The following GPC5 variants were observed in gnomAD, a reference collection of about 807,000 sequenced individuals.
The protein encoded by GPC5 is glypican 5, also known as glypican-5.
A neutral mutation model predicts 53.9 loss-of-function variants in GPC5; 47 were observed. The ratio of observed to expected loss-of-function variants is 0.87; its 90% confidence interval spans 0.69 to 1.11. The LOEUF (loss-of-function observed/expected upper bound fraction) is 1.11. Among genes scored for constraint, GPC5 ranks in the 50% most tolerant of loss-of-function variants. The pLI is 0.00. For synonymous variants in GPC5, 286 were observed against 263.3 expected (o/e 1.09, Z -0.84); for missense variants, 748 against 713.1 (o/e 1.05, Z -0.56).
chr13:92,741,625 T>G (rs1287159300), intron 7 of GPC5, among the ~76,000 whole-genome samples: 1 of 152,178 alleles, frequency 6.6e-6, no homozygotes, highest in Non-Finnish European at 1.5e-5. Context: ...TTAGGGTACA[T>G]GTGCACAATA....
intron 7 of GPC5, among the ~76,000 whole-genome samples, chr13:92,564,817 C>T (rs1882813622): frequency 6.6e-6 from 1 of 152,008 alleles, no homozygotes; most frequent in Non-Finnish European, 1.5e-5. Context: ...AGGATAATGG[C>T]CTCCAGCTAA....
intron 7 of GPC5, among the ~76,000 whole-genome samples, chr13:92,258,470 T>C (rs1414147507): frequency 1.3e-5 from 2 of 152,222 alleles, no homozygotes; most frequent in African/African-American, 4.8e-5. Flanking sequence ...TTGAAATGTG[T>C]ATATAAATAT....
chr13:91,934,548 T>C (rs2039852390), intron 6 of GPC5, among the ~76,000 whole-genome samples: 1 of 151,970 alleles, frequency 6.6e-6, no homozygotes, highest in Admixed American at 6.6e-5. Flanking sequence ...CTGGATGTCT[T>C]CCAAGAGCAA....
At chr13:91,680,957 G>A (rs1228222269) in intron 2 of GPC5, among the ~76,000 whole-genome samples, 2 of 151,430 alleles carry the variant, frequency 1.3e-5, no homozygotes, top group African/African-American at 2.4e-5. Context: ...GTTTATTATG[G>A]TTCTCTTAAT....
At chr13:91,596,191 T>C (rs1048447471) in intron 2 of GPC5, among the ~76,000 whole-genome samples, 1 of 152,204 alleles carries the variant, frequency 6.6e-6, no homozygotes, top group Non-Finnish European at 1.5e-5. Context: ...TAAAGCAATG[T>C]ATCTTTTTGA....
chr13:92,659,643 G>A (rs1176896298), intron 7 of GPC5, among the ~76,000 whole-genome samples: 2 of 152,112 alleles, frequency 1.3e-5, no homozygotes, highest in African/African-American at 2.4e-5. Context: ...GAGGGTCAAT[G>A]GTGAAAGTTG....
intron 6 of GPC5, among the ~76,000 whole-genome samples, chr13:92,125,924 G>GTTTTTTTTTTTTTTTTTTT (rs1190169532): frequency 1.3e-5 from 1 of 75,820 alleles, no homozygotes; most frequent in Non-Finnish European, 2.5e-5. Context: ...TTGTTTTTTG[G>GTTTTTTTTTTTTTTTTTTT]TTTTTTTTTT....
chr13:91,841,434 C>T (rs888314768), intron 5 of GPC5, among the ~76,000 whole-genome samples: 6 of 150,878 alleles, frequency 4.0e-5, no homozygotes, highest in East Asian at 1.9e-4. Flanking sequence ...TGAATCGTTA[C>T]GTTTAAGAGA....
chr13:92,515,679 A>T (rs1297238627), intron 7 of GPC5, among the ~76,000 whole-genome samples: 1 of 152,208 alleles, frequency 6.6e-6, no homozygotes, highest in Non-Finnish European at 1.5e-5. Context: ...CCAATCAATA[A>T]GACACAGTGT....
chr13:92,589,048 C>T (rs745394090), intron 7 of GPC5, among the ~76,000 whole-genome samples: 1 of 152,146 alleles, frequency 6.6e-6, no homozygotes, highest in Non-Finnish European at 1.5e-5. Flanking sequence ...AAACATGTGG[C>T]AGTTTCTTTG....
At chr13:92,274,476 C>A (rs147595489) in intron 7 of GPC5, among the ~76,000 whole-genome samples, 2 of 152,130 alleles carry the variant, frequency 1.3e-5, no homozygotes, top group African/African-American at 2.4e-5. Flanking sequence ...TAAATATCAG[C>A]TTTTCCTCAT....
chr13:92,284,001 T>G (rs538706896), intron 7 of GPC5, among the ~76,000 whole-genome samples: 1 of 152,186 alleles, frequency 6.6e-6, no homozygotes, highest in African/African-American at 2.4e-5. Flanking sequence ...CTAGCAAGAC[T>G]AATAAAGAAG....
At chr13:92,752,374 G>T (rs1889427480) in intron 7 of GPC5, among the ~76,000 whole-genome samples, 1 of 151,990 alleles carries the variant, frequency 6.6e-6, no homozygotes, top group Non-Finnish European at 1.5e-5. Flanking sequence ...CCTAATTTCT[G>T]ATTTTTCCCA....
chr13:92,617,006 C>T (rs544798313), intron 7 of GPC5, among the ~76,000 whole-genome samples: 67 of 151,946 alleles, frequency 4.4e-4, no homozygotes, highest in Middle Eastern at 3.4e-3. Flanking sequence ...TATTAAAAAG[C>T]GACCATTACT....
At chr13:91,628,154 C>T (rs138986731) in intron 2 of GPC5, among the ~76,000 whole-genome samples, 32 of 152,152 alleles carry the variant, frequency 2.1e-4, no homozygotes, top group African/African-American at 7.0e-4. Context: ...ACAGTATCTA[C>T]GACTATGTAT....
At chr13:92,437,924 G>A (rs566464938) in intron 7 of GPC5, among the ~76,000 whole-genome samples, 29 of 152,126 alleles carry the variant, frequency 1.9e-4, no homozygotes, top group African/African-American at 5.8e-4. Context: ...AAGTGTTCAC[G>A]AATTACAGTG....
chr13:91,433,498 G>A (rs1224939140), intron 1 of GPC5, among the ~76,000 whole-genome samples: 2 of 151,970 alleles, frequency 1.3e-5, no homozygotes, highest in Non-Finnish European at 2.9e-5. Flanking sequence ...ATGGTTTCCA[G>A]CTTCATCCAT....
At chr13:92,422,574 G>A (rs545896214) in intron 7 of GPC5, among the ~76,000 whole-genome samples, 1 of 151,344 alleles carries the variant, frequency 6.6e-6, no homozygotes, top group Non-Finnish European at 1.5e-5. Flanking sequence ...TAGTCATGAC[G>A]AGAGGTGAGA....
chr13:92,753,705 C>T (rs150341166), intron 7 of GPC5, among the ~76,000 whole-genome samples: 4 of 151,450 alleles, frequency 2.6e-5, no homozygotes, highest in East Asian at 3.9e-4. Context: ...GGAGCCGATG[C>T]GATCAACTGG....
Sources: allele counts gnomAD v4.1 joint callset (sites outside exome capture counted in the v4.1 genomes callset), GRCh38; gene constraint gnomAD v4.1.1; transcripts MANE v1.5; gene names NCBI Gene and HGNC (gene_info 2026-07-23, HGNC 2026-07-21).